Variants in TBCK observed in about 807,000 individuals in gnomAD.
TBCK encodes the protein TBC1 domain containing kinase.
Under a neutral mutation model 113.4 loss-of-function variants are expected in TBCK, and 99 were observed. The ratio of observed to expected loss-of-function variants is 0.87; its 90% confidence interval spans 0.74 to 1.03. TBCK has a LOEUF of 1.03. Ranked by LOEUF, TBCK falls within the 50% of genes least tolerant of loss-of-function variation. The probability of loss-of-function intolerance (pLI) is 0.00; values close to 1 mark genes in which losing one functional copy is unlikely to be tolerated. For missense variants in TBCK, 1,045 were observed against 1,061.3 expected, an observed-to-expected ratio of 0.98 and a Z score of 0.21; for synonymous variants, 369 against 370.8, an observed-to-expected ratio of 1.00 and a Z score of 0.05.
chr4:106,073,087 A>T (rs1315158023), intron 25 of TBCK, among the ~76,000 whole-genome samples: 2 of 152,162 alleles, frequency 1.3e-5, no homozygotes, highest in Non-Finnish European at 2.9e-5. Flanking sequence ...GACCTTCTGA[A>T]GGCTACTTCT....
chr4:106,048,162 T>C (rs931624875), intron 25 of TBCK, among the ~76,000 whole-genome samples: 5 of 152,104 alleles, frequency 3.3e-5, no homozygotes, highest in Non-Finnish European at 5.9e-5. Context: ...CTAAAGCAGG[T>C]GGCCCATGGA....
intron 24 of TBCK, among the ~76,000 whole-genome samples, chr4:106,096,968 A>G (rs1377049099): frequency 6.6e-6 from 1 of 152,200 alleles, no homozygotes; most frequent in Non-Finnish European, 1.5e-5. Context: ...GTACCCATCT[A>G]TATCTAAATA....
chr4:106,272,022 A>T (rs1339040412), intron 3 of TBCK, among the ~76,000 whole-genome samples: 1 of 152,156 alleles, frequency 6.6e-6, no homozygotes. Context: ...GATAATGATG[A>T]TGAACCACAC....
chr4:106,158,293 T>C (rs886877847), intron 23 of TBCK, among the ~76,000 whole-genome samples: 1 of 152,140 alleles, frequency 6.6e-6, no homozygotes, highest in Non-Finnish European at 1.5e-5. Flanking sequence ...CTCATGCCCA[T>C]AATCCCAGCA....
intron 23 of TBCK, among the ~76,000 whole-genome samples, chr4:106,130,292 A>G (rs866211384): frequency 3.9e-5 from 6 of 152,158 alleles, no homozygotes; most frequent in Non-Finnish European, 7.3e-5. Context: ...AATTTGTTCT[A>G]TGGACAGTCA....
At chr4:106,235,446 C>T in intron 14 of TBCK, 79 bp from the exon 15 acceptor site, 1 of 836,430 alleles carries the variant, frequency 1.2e-6, no homozygotes, top group Non-Finnish European at 1.7e-6. Flanking sequence ...TGAATATACC[C>T]ATGATAAAAC....
intron 22 of TBCK, among the ~76,000 whole-genome samples, chr4:106,190,289 T>A (rs62321381): frequency 0.14 from 21,732 of 152,186 alleles, 1,686 homozygotes; most frequent in Middle Eastern, 0.24. Context: ...CTTAAACATC[T>A]CTAAAATACT....
At chr4:106,087,571 G>C (rs1278483315) in intron 25 of TBCK, among the ~76,000 whole-genome samples, 1 of 152,102 alleles carries the variant, frequency 6.6e-6, no homozygotes, top group Non-Finnish European at 1.5e-5. Context: ...CACAGAATTA[G>C]AAAAAACTAT....
chr4:106,116,075 G>A (rs1434913538), intron 24 of TBCK, 128 bp downstream of exon 24: 1 of 806,408 alleles, frequency 1.2e-6, no homozygotes, highest in Non-Finnish European at 1.9e-6. Context: ...TCCAGTTTGA[G>A]AGTAATTTAA....
chr4:106,207,871 A>T (rs1755702095), intron 20 of TBCK, among the ~76,000 whole-genome samples: 1 of 152,248 alleles, frequency 6.6e-6, no homozygotes, highest in African/African-American at 2.4e-5. Flanking sequence ...TCTTCAGGTT[A>T]AGATATATTA....
chr4:106,174,584 G>C (rs1751409369), intron 22 of TBCK, among the ~76,000 whole-genome samples: 1 of 152,036 alleles, frequency 6.6e-6, no homozygotes, highest in Non-Finnish European at 1.5e-5. Flanking sequence ...ATTGTGCTGG[G>C]CATTTGGTGG....
At chr4:106,263,317 A>C (rs1173539624) in intron 3 of TBCK, among the ~76,000 whole-genome samples, 2 of 151,968 alleles carry the variant, frequency 1.3e-5, no homozygotes, top group African/African-American at 2.4e-5. Context: ...AGGAAAAAAG[A>C]ACAGAACAAA....
At chr4:106,270,450 C>T (rs967545335) in intron 3 of TBCK, among the ~76,000 whole-genome samples, 4 of 152,150 alleles carry the variant, frequency 2.6e-5, no homozygotes, top group Non-Finnish European at 5.9e-5. Context: ...AAGTCCAACT[C>T]CCCATACCCT....
intron 25 of TBCK, among the ~76,000 whole-genome samples, chr4:106,063,766 A>G (rs910011627): frequency 1.3e-5 from 2 of 151,834 alleles, no homozygotes; most frequent in Non-Finnish European, 2.9e-5. Flanking sequence ...TACCTGATAA[A>G]AAGGACCTGA....
chr4:106,280,291 C>T (rs1764456064), intron 3 of TBCK, among the ~76,000 whole-genome samples: 1 of 151,978 alleles, frequency 6.6e-6, no homozygotes, highest in African/African-American at 2.4e-5. Flanking sequence ...TAGATTTTTT[C>T]CTATAAAGTT....
At position 106,093,665 on chromosome 4, in the gene TBCK, G is replaced by T. The variant is rs1740578496; in HGVS notation, c.2571+1817C>A. ...AACAAAGATGGAAAAAACAGACACT[G>T]GGCCCTACTTGAGGCTGGAGGGTGG... On this transcript the variant is annotated intron_variant, in intron 25 of 25. Coordinates refer to ENST00000394708, the MANE Select transcript of TBCK (RefSeq NM_001163435.3). Among the ~76,000 whole-genome samples the T allele has an allele frequency of 2.6e-5, 4 of 152,214 alleles. No individual in the cohort carries two copies. The South Asian group carries it at 8.3e-4, about 32-fold the overall frequency.
At position 106,251,375 on chromosome 4, in the gene TBCK, G is replaced by GA. The variant is rs797000442; in HGVS notation, c.597+490dup. ...GGCTTAAGATTACCTGGTGTTTATA[G>GA]AAAAAAGAGATGCTTTGATTTTTTT... On this transcript the variant is annotated intron_variant, in intron 6 of 25. Transcript: ENST00000394708. Among the ~76,000 whole-genome samples, 7 of 151,100 alleles carry GA rather than the reference G, an allele frequency of 4.6e-5. No individual in the cohort carries two copies. In the South Asian group the frequency reaches 1.2e-3, roughly 27 times the overall value.
chr4:106,281,456 G>T (rs575991371), intron 3 of TBCK, among the ~76,000 whole-genome samples: 1 of 152,102 alleles, frequency 6.6e-6, no homozygotes, highest in Non-Finnish European at 1.5e-5. Context: ...GTACTATGTT[G>T]AATAACAGTA....
chr4:106,107,026 AT>A (rs1201424103), intron 24 of TBCK, among the ~76,000 whole-genome samples: 1 of 147,434 alleles, frequency 6.8e-6, no homozygotes. Flanking sequence ...ACCAACAACG[AT>A]TTAAAAAAAA....
Sources: gnomAD v4.1 joint callset for allele counts (sites outside exome capture counted in the v4.1 genomes callset) on GRCh38, gnomAD v4.1.1 for gene constraint, MANE v1.5 for transcripts, NCBI Gene and HGNC (gene_info 2026-07-23, HGNC 2026-07-21) for gene names.